Variants in NDUFA8 observed in about 807,000 individuals in gnomAD.
NDUFA8 encodes the protein NADH:ubiquinone oxidoreductase subunit A8.
NDUFA8 carries 16 observed loss-of-function variants against 20.9 expected under a neutral mutation model. That is an observed-to-expected ratio of 0.77 (90% CI 0.52 to 1.16). The LOEUF (loss-of-function observed/expected upper bound fraction) is 1.16, where lower values mean the gene tolerates loss of function less well. NDUFA8 is among the 50% of genes most tolerant of loss of function. The probability of loss-of-function intolerance (pLI) is 0.00; values close to 1 mark genes in which losing one functional copy is unlikely to be tolerated. For missense variants in NDUFA8, 202 were observed against 216.4 expected (o/e 0.93, Z 0.42); for synonymous variants, 70 against 76.1 (o/e 0.92, Z 0.41).
rs912849584 is a variant in NDUFA8 at position 122,144,523 on chromosome 9, C to T, written c.382-145G>A. Reference sequence around the variant, plus strand: ...AAATTCCCAGCAAATCACATTCAGACGTATTTAATCATTGAACAAACACTC... The same window carrying T: ...AAATTCCCAGCAAATCACATTCAGATGTATTTAATCATTGAACAAACACTC... On this transcript the variant is annotated intron_variant, in intron 3 of 3. Coordinates refer to ENST00000373768, the MANE Select transcript of NDUFA8 (RefSeq NM_014222.3). The T allele has an allele frequency of 2.1e-5, 17 of 803,910 alleles. No individual in the cohort carries two copies. In the Middle Eastern group the frequency reaches 9.3e-4, roughly 44 times the overall value. 49.8% of individuals were successfully genotyped at this position (803,910 alleles called of 1,614,324 possible). A position where few individuals can be genotyped will look rare whatever the true frequency, so the allele number is the denominator to read the frequency against.
At chr9:122,133,714 C>A in the NDUFA8 span, among the ~76,000 whole-genome samples, 1 of 152,206 alleles carries the variant, frequency 6.6e-6, no homozygotes, top group Non-Finnish European at 1.5e-5. Context: ...GCTGAAGGGT[C>A]AGGCAGCCTT....
chr9:122,152,277 T>C lies in NDUFA8; in HGVS notation c.183A>G (p.Lys61=). 6.2e-7 allele frequency: 1 copy of C among 1,614,200 alleles called. No individual in the cohort carries two copies. Among genetic ancestry groups the C allele is most frequent in the East Asian group, 2.2e-5 (1 of 44,888 alleles). ...KDPRRCLEEG[K]LVNKCALDFF... ...AGTCCAAAGCACACTTGTTGACCAG[T>C]TTGCCTTCCTCTAAACACCGCCTCG... The change falls in exon 2 of 4, where the codon AAA becomes AAG. Residue 61 remains lysine, a synonymous_variant. Transcript: ENST00000373768.
intron 2 of NDUFA8, among the ~76,000 whole-genome samples, chr9:122,151,072 A>G (rs1403110894): frequency 6.6e-6 from 1 of 151,924 alleles, no homozygotes; most frequent in Non-Finnish European, 1.5e-5. Context: ...TTCTCAATGT[A>G]TACATACTAT....
intron 2 of NDUFA8, 82 bp downstream of exon 2, chr9:122,152,163 C>T: frequency 1.3e-6 from 2 of 1,482,374 alleles, no homozygotes; most frequent in Non-Finnish European, 1.9e-6. Context: ...CTAATAAAAT[C>T]CAGATTATTA....
At chr9:122,149,701 T>C (rs1371687060) in intron 2 of NDUFA8, among the ~76,000 whole-genome samples, 4 of 152,244 alleles carry the variant, frequency 2.6e-5, no homozygotes, top group African/African-American at 9.6e-5. Flanking sequence ...CTCATGCCTG[T>C]AATCCCAGCA....
At chr9:122,152,187 T>C in intron 2 of NDUFA8, 58 bp downstream of exon 2, 1 of 1,590,260 alleles carries the variant, frequency 6.3e-7, no homozygotes, top group Non-Finnish European at 8.6e-7. Context: ...GGCTGTTCAC[T>C]TATTCATTTA....
chr9:122,133,685 G>A, the NDUFA8 span, among the ~76,000 whole-genome samples: 21 of 152,214 alleles, frequency 1.4e-4, no homozygotes, highest in Non-Finnish European at 2.8e-4. Context: ...TGAGGGTGGG[G>A]GTTGGGTGGC....
chr9:122,152,850 T>C (rs1009889842), intron 1 of NDUFA8, among the ~76,000 whole-genome samples: 1 of 152,114 alleles, frequency 6.6e-6, no homozygotes, highest in Admixed American at 6.5e-5. Context: ...GCACCCCTAA[T>C]AGAATCTTTA....
At chr9:122,158,665 G>GTATA (rs566091939) in intron 1 of NDUFA8, among the ~76,000 whole-genome samples, 2 of 146,632 alleles carry the variant, frequency 1.4e-5, no homozygotes, top group Admixed American at 6.9e-5. Context: ...GTGTGTGTGT[G>GTATA]TATATATATA....
In NDUFA8 at chr9:122,148,285, A is replaced by AGAAAGCTGGGT; in HGVS notation, c.216-19_216-9dup. The stretch of plus-strand genomic sequence containing the variant: ...CAGTGACGTTTTATCTGCCTGGAAA[A>AGAAAGCTGGGT]GAAAGCTGGGTTAGGGGCATCTCTT... On this transcript the variant is annotated splice_polypyrimidine_tract_variant and intron_variant, in intron 2 of 3. Transcript: ENST00000373768. The AGAAAGCTGGGT allele has an allele frequency of 6.2e-7, 1 of 1,614,164 alleles. No homozygotes were observed. Among genetic ancestry groups the AGAAAGCTGGGT allele is most frequent in the Non-Finnish European group, 8.5e-7 (1 of 1,180,008 alleles).
chr9:122,159,508 T>A (rs1167000248), intron 1 of NDUFA8, 119 bp downstream of exon 1: 2 of 1,255,640 alleles, frequency 1.6e-6, no homozygotes, highest in Non-Finnish European at 2.3e-6. Flanking sequence ...TGTATATGCG[T>A]TGGAGGACTG....
Position 122,159,729 on chromosome 9 carries a change from T to G in NDUFA8, c.-52A>C. ...GAAGCCCTCAGCCGCGTCGCCCCCG[T>G]CTCCTTGAACTCCCCTTTCGACCGC... On this transcript the variant is annotated 5_prime_UTR_variant, in exon 1 of 4. Transcript: ENST00000373768. 6.2e-7 allele frequency: 1 copy of G among 1,613,174 alleles called. No homozygotes were observed. The highest frequency in any genetic ancestry group is 1.3e-5 in the African/African-American group (1 of 74,982).
At chr9:122,147,559 T>C (rs1828921955) in intron 3 of NDUFA8, among the ~76,000 whole-genome samples, 1 of 152,218 alleles carries the variant, frequency 6.6e-6, no homozygotes, top group Admixed American at 6.5e-5. Flanking sequence ...CTCCCTTCTG[T>C]TCTTTAATTA....
At chr9:122,148,953 G>A (rs568230411) in intron 2 of NDUFA8, among the ~76,000 whole-genome samples, 5 of 152,234 alleles carry the variant, frequency 3.3e-5, no homozygotes, top group Non-Finnish European at 5.9e-5. Context: ...TTTAACTTCT[G>A]TGTATAAAAA....
the NDUFA8 span, among the ~76,000 whole-genome samples, chr9:122,138,868 G>GGA: frequency 7.0e-6 from 1 of 143,230 alleles, no homozygotes; most frequent in South Asian, 2.5e-4. Flanking sequence ...GAAGAGGTGG[G>GGA]GGGGGGGCCA....
the NDUFA8 span, among the ~76,000 whole-genome samples, chr9:122,134,295 T>C: frequency 1.4e-4 from 22 of 152,326 alleles, no homozygotes; most frequent in Admixed American, 3.9e-4. Flanking sequence ...ACTTACGGTT[T>C]TGGAATCAGA....
At chr9:122,137,504 G>A in the NDUFA8 span, among the ~76,000 whole-genome samples, 1 of 152,132 alleles carries the variant, frequency 6.6e-6, no homozygotes, top group African/African-American at 2.4e-5. Context: ...GCCTCCCAAA[G>A]TGCTGGGATT....
At chr9:122,147,784 A>G (rs897034101) in intron 3 of NDUFA8, among the ~76,000 whole-genome samples, 3 of 151,382 alleles carry the variant, frequency 2.0e-5, no homozygotes, top group Admixed American at 2.0e-4. Context: ...CCACCACCAC[A>G]CCCGGCTAAT....
rs893502943 is a variant in NDUFA8 at position 122,147,002 on chromosome 9, G to A, written c.381+1110C>T. Among the ~76,000 whole-genome samples, 3 of 152,212 alleles carry A rather than the reference G, an allele frequency of 2.0e-5. No individual in the cohort carries two copies. The East Asian group carries it at 5.8e-4, about 29-fold the overall frequency. ...ATAAAGGGCCTGCATGCCATGTTAT[G>A]GAGAAGATGCTTTATCTCACCAGCA... On this transcript the variant is annotated intron_variant, in intron 3 of 3. Coordinates refer to ENST00000373768, the MANE Select transcript of NDUFA8 (RefSeq NM_014222.3).
Sources: allele counts gnomAD v4.1 joint callset (sites outside exome capture counted in the v4.1 genomes callset), GRCh38; gene constraint gnomAD v4.1.1; transcripts MANE v1.5; gene names NCBI Gene and HGNC (gene_info 2026-07-23, HGNC 2026-07-21).